Variants in DNAH3 observed in about 807,000 individuals in gnomAD.
DNAH3 encodes the protein axonemal beta dynein heavy chain 3.
DNAH3 carries 332 observed loss-of-function variants against 432.5 expected under a neutral mutation model. That is an observed-to-expected ratio of 0.77 (90% CI 0.70 to 0.84). DNAH3 has a LOEUF of 0.84. Among genes scored for constraint, DNAH3 ranks in the 40% least tolerant of loss-of-function variants. The pLI, the probability that DNAH3 is intolerant of heterozygous loss-of-function variation, is 0.00. For missense variants in DNAH3, 4,861 were observed against 5,114.0 expected (o/e 0.95, Z 1.51); for synonymous variants, 1,956 against 1,900.2 (o/e 1.03, Z -0.76).
intron 41 of DNAH3, among the ~76,000 whole-genome samples, chr16:21,011,411 C>T (rs1880370488): frequency 6.6e-6 from 1 of 152,124 alleles, no homozygotes; most frequent in Non-Finnish European, 1.5e-5. Flanking sequence ...TCACGCATGG[C>T]TGTAGGTGCA....
At chr16:20,979,255 C>T in intron 50 of DNAH3, 75 bp downstream of exon 50, 1 of 1,421,780 alleles carries the variant, frequency 7.0e-7, no homozygotes, top group East Asian at 2.3e-5. Flanking sequence ...CTTAATTCCG[C>T]ACCTGAACAC....
intron 31 of DNAH3, among the ~76,000 whole-genome samples, chr16:21,046,561 A>G (rs1319487416): frequency 6.6e-6 from 1 of 151,874 alleles, no homozygotes; most frequent in Non-Finnish European, 1.5e-5. Flanking sequence ...TTTTGAGCCT[A>G]TGTGTGTCTC....
chr16:21,128,209 C>T, intron 7 of DNAH3, among the ~76,000 whole-genome samples: 1 of 152,048 alleles, frequency 6.6e-6, no homozygotes. Flanking sequence ...ACATCTTCAT[C>T]ATCAAATGGG....
chr16:20,985,198 G>A, exon 48 of DNAH3: 1 of 1,614,162 alleles, frequency 6.2e-7, no homozygotes. Flanking sequence ...GAAGATGTTA[G>A]GCACGTCACC....
At chr16:21,066,533 ATT>A (rs1424137749) in intron 24 of DNAH3, among the ~76,000 whole-genome samples, 2 of 151,954 alleles carry the variant, frequency 1.3e-5, no homozygotes, top group Non-Finnish European at 2.9e-5. Context: ...ACACTGGCTT[ATT>A]TTTTGTATTT....
At chr16:21,106,879 G>A (rs541778066) in intron 14 of DNAH3, among the ~76,000 whole-genome samples, 5 of 152,036 alleles carry the variant, frequency 3.3e-5, no homozygotes, top group African/African-American at 1.2e-4. Context: ...AATAGCAGTT[G>A]TAATGATAAT....
At chr16:21,088,619 G>A (rs778848840) in intron 18 of DNAH3, among the ~76,000 whole-genome samples, 10 of 152,288 alleles carry the variant, frequency 6.6e-5, no homozygotes, top group East Asian at 3.9e-4. Context: ...TCCACATGAC[G>A]TGGTAGCTTC....
chr16:20,941,655 T>A (rs1371466382), intron 58 of DNAH3, 112 bp from the exon 59 acceptor site: 3 of 1,356,326 alleles, frequency 2.2e-6, no homozygotes, highest in African/African-American at 2.9e-5. Context: ...CTGTGGGACT[T>A]TCCTGAGAAC....
At chr16:20,968,618 T>G (rs1329768437) in intron 52 of DNAH3, among the ~76,000 whole-genome samples, 1 of 152,082 alleles carries the variant, frequency 6.6e-6, no homozygotes, top group Non-Finnish European at 1.5e-5. Context: ...CCCCATTCCT[T>G]TCTGCCCGTT....
intron 53 of DNAH3, among the ~76,000 whole-genome samples, chr16:20,960,818 A>G (rs909113356): frequency 2.0e-5 from 3 of 152,236 alleles, no homozygotes; most frequent in Non-Finnish European, 2.9e-5. Context: ...ATAACTCTCC[A>G]GTTTAAAAAT....
intron 7 of DNAH3, among the ~76,000 whole-genome samples, chr16:21,131,353 A>C (rs1431434555): frequency 6.6e-6 from 1 of 151,836 alleles, no homozygotes; most frequent in Non-Finnish European, 1.5e-5. Context: ...AGAAAGCAAG[A>C]AAGAAACAGG....
At chr16:21,113,895 G>T (rs1368524987) in intron 12 of DNAH3, among the ~76,000 whole-genome samples, 1 of 152,188 alleles carries the variant, frequency 6.6e-6, no homozygotes. Flanking sequence ...TATTACGATA[G>T]TCCCTCCTTA....
At chr16:20,954,725 CG>C in intron 55 of DNAH3, 87 bp downstream of exon 55, 2 of 1,469,384 alleles carry the variant, frequency 1.4e-6, no homozygotes, top group Non-Finnish European at 1.8e-6. Context: ...CCTATCTGAG[CG>C]CAAGCTTAAA....
At chr16:20,965,887 A>C (rs2085033435) in intron 52 of DNAH3, among the ~76,000 whole-genome samples, 1 of 149,758 alleles carries the variant, frequency 6.7e-6, no homozygotes, top group Admixed American at 6.7e-5. Context: ...TAATTTTTGT[A>C]TTTTTAGTAG....
Position 21,040,644 on chromosome 16 carries a change from C to T in DNAH3, c.4639-701G>A, listed in dbSNP as rs911562561. ...GCCTCCCAAAGTGTTCAGATTAAGG[C>T]GTGAGCTACCGCGCCCAGCCAGACA... On this transcript the variant is annotated intron_variant, in intron 32 of 61. Coordinates refer to ENST00000261383, the Ensembl canonical transcript of DNAH3. Among the ~76,000 whole-genome samples the T allele has an allele frequency of 3.9e-5, 6 of 152,122 alleles. 1 individual carries two copies. Among genetic ancestry groups the T allele is most frequent in the Admixed American group, 2.6e-4 (4 of 15,268 alleles).
intron 20 of DNAH3, among the ~76,000 whole-genome samples, chr16:21,076,019 G>A (rs998910002): frequency 2.2e-4 from 32 of 148,214 alleles, no homozygotes; most frequent in Middle Eastern, 7.0e-3. Flanking sequence ...CCTGCTCTAA[G>A]ATCTGCCAGC....
At chr16:21,096,674 G>GT (rs974289338) in intron 18 of DNAH3, among the ~76,000 whole-genome samples, 27 of 151,348 alleles carry the variant, frequency 1.8e-4, no homozygotes, top group African/African-American at 7.3e-5. Context: ...GTTTTGTTTT[G>GT]TTTTTTTCCC....
exon 21 of DNAH3, chr16:21,075,490 T>C (rs2090942336): frequency 1.2e-6 from 2 of 1,613,972 alleles, no homozygotes; most frequent in Non-Finnish European, 1.7e-6. Flanking sequence ...GTTAACCCAA[T>C]CCAACTTCAT....
At chr16:21,030,562 C>A (rs1298962728) in intron 37 of DNAH3, among the ~76,000 whole-genome samples, 1 of 152,102 alleles carries the variant, frequency 6.6e-6, no homozygotes, top group Non-Finnish European at 1.5e-5. Context: ...AATTCCCAGC[C>A]CACAAAATCA....
Sources: allele counts gnomAD v4.1 joint callset (sites outside exome capture counted in the v4.1 genomes callset), GRCh38; gene constraint gnomAD v4.1.1; transcripts MANE v1.5; gene names NCBI Gene and HGNC (gene_info 2026-07-23, HGNC 2026-07-21).